The following RXRA variants were observed in gnomAD, a reference collection of about 807,000 sequenced individuals.
RXRA encodes retinoid X receptor alpha, also known as retinoic acid receptor RXR-alpha.
A neutral mutation model predicts 44.5 loss-of-function variants in RXRA; 5 were observed. The ratio of observed to expected loss-of-function variants is 0.11; its 90% CI spans 0.06 to 0.24. The LOEUF (loss-of-function observed/expected upper bound fraction) is 0.24. Among genes scored for constraint, RXRA ranks in the 10% least tolerant of loss-of-function variants. The pLI is 1.00. For missense variants in RXRA, 412 were observed against 646.5 expected, an observed-to-expected ratio of 0.64 and a Z score of 3.93; for synonymous variants, 291 against 271.4, an observed-to-expected ratio of 1.07 and a Z score of -0.71.
At chr9:134,381,827 T>G (rs987553852) in intron 1 of RXRA, among the ~76,000 whole-genome samples, 3 of 152,060 alleles carry the variant, frequency 2.0e-5, no homozygotes, top group Admixed American at 6.5e-5. Flanking sequence ...GCACTGCACC[T>G]TAGGTGCTCC....
At position 134,365,808 on chromosome 9, in the gene RXRA, C is replaced by T. The variant is rs920791805; in HGVS notation, c.29-35824C>T. Among the ~76,000 whole-genome samples, 2 of 151,948 alleles carry T rather than the reference C, an allele frequency of 1.3e-5. No homozygotes were observed. The highest frequency in any genetic ancestry group is 2.9e-5 in the Non-Finnish European group (2 of 67,972). The stretch of plus-strand genomic sequence containing the variant: ...AAGGGAGGGCCAGCCCAGAAGGACC[C>T]TCCCATTACCCTCTGGTGGCTTGCC... On this transcript the variant is annotated intron_variant, in intron 1 of 9. Transcript: ENST00000481739. The surrounding 1 kb of genome is among the most constrained non-coding windows in gnomAD (Gnocchi z 4.0).
chr9:134,336,510 G>A (rs1421440612), intron 1 of RXRA, among the ~76,000 whole-genome samples: 1 of 152,218 alleles, frequency 6.6e-6, no homozygotes, highest in African/African-American at 2.4e-5. Flanking sequence ...AGGATGCCAG[G>A]CAGAGTCCAC....
At chr9:134,397,086 G>A (rs1311843842) in intron 1 of RXRA, among the ~76,000 whole-genome samples, 1 of 152,246 alleles carries the variant, frequency 6.6e-6, no homozygotes, top group Non-Finnish European at 1.5e-5. Flanking sequence ...TCCTGCTCTG[G>A]GGTCCAGGGA....
At chr9:134,423,498 A>C in intron 6 of RXRA, 1 of 985,434 alleles carries the variant, frequency 1.0e-6, no homozygotes, top group Non-Finnish European at 1.2e-6. Flanking sequence ...CAGGGCTGTG[A>C]CCACACAGGC....
chr9:134,415,952 G>A (rs905559258), intron 4 of RXRA, among the ~76,000 whole-genome samples: 5 of 152,182 alleles, frequency 3.3e-5, no homozygotes, highest in South Asian at 2.1e-4. Flanking sequence ...TTTTCTCACC[G>A]GTACAATGGG....
At chr9:134,370,414 C>A (rs1830477307) in intron 1 of RXRA, among the ~76,000 whole-genome samples, 1 of 152,216 alleles carries the variant, frequency 6.6e-6, no homozygotes, top group Non-Finnish European at 1.5e-5. Context: ...GCAGACGAGG[C>A]TCCTCACCTC....
chr9:134,396,086 C>G lies in RXRA; in HGVS notation c.29-5546C>G, dbSNP rs1830874404. 3.9e-5 allele frequency among the ~76,000 whole-genome samples: 6 copies of G among 152,314 alleles called. No homozygotes were observed. In the South Asian group the frequency reaches 1.2e-3, roughly 32 times the overall value. On this transcript the variant is annotated intron_variant, in intron 1 of 9. Coordinates refer to ENST00000481739, the MANE Select transcript of RXRA (RefSeq NM_002957.6). Reference sequence around the variant, plus strand: ...CATCTTCAACAACCTCTGCTGTTGGCATGCCCATTTTACAGAAGGGGAGAC... The same window carrying G: ...CATCTTCAACAACCTCTGCTGTTGGGATGCCCATTTTACAGAAGGGGAGAC...
chr9:134,424,513 A>G, intron 6 of RXRA: 1 of 985,404 alleles, frequency 1.0e-6, no homozygotes, highest in Non-Finnish European at 1.2e-6. Context: ...CATTTCCGGC[A>G]TGAGTCCCAG....
Position 134,417,148 on chromosome 9 carries a change from C to G in RXRA, c.611-10C>G. On this transcript the variant is annotated splice_polypyrimidine_tract_variant and intron_variant, in intron 4 of 9. Transcript: ENST00000481739. The surrounding 1 kb of genome is among the most constrained non-coding windows in gnomAD (Gnocchi z 6.1). ...GAGCGTGGGGCTCACCTGCGCCTCC[C>G]GGGTTGTAGCCGTGCAGGAGGAGCG... is the stretch of plus-strand genomic sequence containing the variant. The G allele has an allele frequency of 6.2e-7, 1 of 1,607,698 alleles. No individual in the cohort carries two copies. The highest frequency in any genetic ancestry group is 8.5e-7 in the Non-Finnish European group (1 of 1,178,512).
At chr9:134,364,401 T>C (rs1242800742) in intron 1 of RXRA, among the ~76,000 whole-genome samples, 1 of 152,220 alleles carries the variant, frequency 6.6e-6, no homozygotes, top group East Asian at 1.9e-4. Context: ...AGATGCCGAC[T>C]CCAGGAAGGG....
chr9:134,388,313 G>A (rs949315842), intron 1 of RXRA, among the ~76,000 whole-genome samples: 7 of 152,164 alleles, frequency 4.6e-5, no homozygotes, highest in Admixed American at 2.6e-4. Context: ...GTGCATTTGC[G>A]TGCACAGGCA....
chr9:134,390,359 G>T (rs1425211512), intron 1 of RXRA, among the ~76,000 whole-genome samples: 1 of 152,162 alleles, frequency 6.6e-6, no homozygotes, highest in Non-Finnish European at 1.5e-5. Context: ...CCACTCTGTC[G>T]CTGCCAGAAG....
chr9:134,339,707 G>T (rs1387283445), intron 1 of RXRA, among the ~76,000 whole-genome samples: 2 of 150,920 alleles, frequency 1.3e-5, no homozygotes, highest in East Asian at 2.0e-4. Context: ...GTGTGTGCCT[G>T]TGTGTGTTTG....
At chr9:134,421,241 G>T (rs35972140) in intron 5 of RXRA, among the ~76,000 whole-genome samples, 1 of 152,186 alleles carries the variant, frequency 6.6e-6, no homozygotes, top group African/African-American at 2.4e-5. Flanking sequence ...GGTGCCTGCC[G>T]GCTGGCTCCT....
intron 1 of RXRA, among the ~76,000 whole-genome samples, chr9:134,350,763 C>T (rs1554749350): frequency 1.3e-5 from 2 of 152,220 alleles, no homozygotes; most frequent in Non-Finnish European, 1.5e-5. Flanking sequence ...GGGGATTGGG[C>T]CAGTGGCTCT....
At position 134,401,813 on chromosome 9, in the gene RXRA, C is replaced by A. The variant is rs746084751; in HGVS notation, c.210C>A (p.Ser70=). ...GCCCGCCTTTCTCGGTCATCAGCTCCCCCATGGGCCCCCACTCCATGTCGG... is the reference window on the plus strand; with the variant it reads ...GCCCGCCTTTCTCGGTCATCAGCTCACCCATGGGCCCCCACTCCATGTCGG... ...GMGPPFSVIS[S]PMGPHSMSVP... Residue 70 remains serine, a synonymous_variant, in exon 2 of 10, where the codon TCC becomes TCA. Transcript: ENST00000481739. 9.3e-6 allele frequency: 15 copies of A among 1,612,938 alleles called. 1 individual carries two copies. In the South Asian group the frequency reaches 1.5e-4, roughly 17 times the overall value.
intron 6 of RXRA, chr9:134,427,024 G>A: frequency 1.0e-6 from 1 of 981,826 alleles, no homozygotes; most frequent in Non-Finnish European, 1.2e-6. Context: ...GAGTGGGCCC[G>A]GGGCTCCTGT....
chr9:134,341,461 C>G (rs1259833264), intron 1 of RXRA, among the ~76,000 whole-genome samples: 1 of 152,150 alleles, frequency 6.6e-6, no homozygotes, highest in East Asian at 1.9e-4. Flanking sequence ...GCTTCCTACA[C>G]AAACAACCAG....
In RXRA at chr9:134,422,178, T is replaced by A. The variant is rs748254041; in HGVS notation, c.910+373T>A. 14 of 1,256,990 alleles carry A rather than the reference T, an allele frequency of 1.1e-5. No individual in the cohort carries two copies. The East Asian group carries it at 3.0e-4, about 27-fold the overall frequency. 77.9% of individuals were successfully genotyped at this position (1,256,990 alleles called of 1,614,324 possible). ...CCTCCTGGGACACACTTCCCCCTCC[T>A]GGGACACACTTCCCCCTCCAGGGAC... On this transcript the variant is annotated intron_variant, in intron 6 of 9. Coordinates refer to ENST00000481739, the MANE Select transcript of RXRA (RefSeq NM_002957.6).
Sources: gnomAD v4.1 joint callset for allele counts (sites outside exome capture counted in the v4.1 genomes callset) on GRCh38, gnomAD v4.1.1 for gene constraint, Gnocchi (gnomAD v3.1) non-coding constraint, MANE v1.5 for transcripts, NCBI Gene and HGNC (gene_info 2026-07-23, HGNC 2026-07-21) for gene names.